The following RNLS variants were observed in gnomAD, a reference collection of about 807,000 sequenced individuals.
RNLS encodes renalase, FAD dependent amine oxidase.
A neutral mutation model predicts 39.8 loss-of-function variants in RNLS; 39 were observed. The ratio of observed to expected loss-of-function variants is 0.98; its 90% CI spans 0.76 to 1.28. The LOEUF (loss-of-function observed/expected upper bound fraction) is 1.28. RNLS is among the 50% of genes most tolerant of loss of function. The probability of loss-of-function intolerance (pLI) is 0.00; values close to 1 mark genes in which losing one functional copy is unlikely to be tolerated. For missense variants in RNLS, 410 were observed against 413.3 expected (o/e 0.99, Z 0.07); for synonymous variants, 147 against 150.7 (o/e 0.98, Z 0.18).
intron 4 of RNLS, among the ~76,000 whole-genome samples, chr10:88,513,781 G>A (rs939874091): frequency 2.0e-5 from 3 of 151,998 alleles, no homozygotes; most frequent in Admixed American, 6.6e-5. Context: ...ATTTTGCACC[G>A]TCGAGATTGT....
chr10:88,569,889 G>C lies in RNLS; in HGVS notation c.526+3014C>G, dbSNP rs534520032. On this transcript the variant is annotated intron_variant, in intron 4 of 6. Coordinates refer to ENST00000331772, the MANE Select transcript of RNLS (RefSeq NM_001031709.3). ...TTATATCATAGTATTCTAGCACCTT[G>C]ACAAAAAAAGAATAAACAAACAAGT... Among the ~76,000 whole-genome samples, 175 of 151,988 alleles carry C rather than the reference G, an allele frequency of 1.2e-3. 1 individual carries two copies. Among genetic ancestry groups the C allele is most frequent in the Admixed American group, 2.6e-3 (39 of 15,272 alleles).
At chr10:88,541,179 A>C (rs1370802257) in intron 4 of RNLS, among the ~76,000 whole-genome samples, 1 of 152,194 alleles carries the variant, frequency 6.6e-6, no homozygotes, top group Non-Finnish European at 1.5e-5. Flanking sequence ...AATGGAACAT[A>C]AATCAATATA....
rs532131271 is a variant in RNLS at position 88,312,338 on chromosome 10, A to G, written c.876+2128T>C. 1.8e-4 allele frequency among the ~76,000 whole-genome samples: 27 copies of G among 152,292 alleles called. 1 individual carries two copies. The South Asian group carries it at 5.6e-3, about 32-fold the overall frequency. Reference sequence around the variant, plus strand: ...GAGGAATGTGGGCAGCTTCTAGAAGATGACAAAGGCAAGAAAATGGATTCT... The same window carrying G: ...GAGGAATGTGGGCAGCTTCTAGAAGGTGACAAAGGCAAGAAAATGGATTCT... On this transcript the variant is annotated intron_variant, in intron 6 of 6. Transcript: ENST00000331772.
the RNLS span, among the ~76,000 whole-genome samples, chr10:88,242,700 C>A: frequency 6.6e-6 from 1 of 152,148 alleles, no homozygotes; most frequent in African/African-American, 2.4e-5. Context: ...CCTGTAATCT[C>A]AGCACTTTGG....
intron 5 of RNLS, among the ~76,000 whole-genome samples, chr10:88,350,156 G>C (rs1400758173): frequency 6.7e-6 from 1 of 149,582 alleles, no homozygotes; most frequent in African/African-American, 2.5e-5. Flanking sequence ...TACTTAAAAA[G>C]TTTTGCCTGT....
At chr10:88,183,699 T>G in the RNLS span, among the ~76,000 whole-genome samples, 61 of 152,276 alleles carry the variant, frequency 4.0e-4, no homozygotes, top group African/African-American at 1.4e-3. Flanking sequence ...AATGCATTAG[T>G]GCTATAGGGA....
At chr10:88,395,084 C>A (rs1852470556) in intron 4 of RNLS, among the ~76,000 whole-genome samples, 1 of 151,640 alleles carries the variant, frequency 6.6e-6, no homozygotes, top group Admixed American at 6.6e-5. Flanking sequence ...AGGAGATATA[C>A]CTAATGCTAA....
At chr10:88,563,677 T>C (rs1200645768) in intron 4 of RNLS, among the ~76,000 whole-genome samples, 1 of 152,114 alleles carries the variant, frequency 6.6e-6, no homozygotes, top group South Asian at 2.1e-4. Context: ...CAGAGCATTA[T>C]GTGAGGAAAG....
At chr10:88,475,667 C>T (rs1486148464) in intron 4 of RNLS, among the ~76,000 whole-genome samples, 2 of 152,160 alleles carry the variant, frequency 1.3e-5, no homozygotes, top group African/African-American at 4.8e-5. Context: ...CCTCTACACT[C>T]TCTGTGAGGA....
chr10:88,273,500 AT>A (rs1842707815), downstream of RNLS, among the ~76,000 whole-genome samples: 1 of 152,140 alleles, frequency 6.6e-6, no homozygotes. Context: ...AGATAGAAAA[AT>A]TTGCTTTAAA....
Position 88,582,262 on chromosome 10 carries a change from G to T in RNLS, c.164C>A (p.Thr55Lys). 1 of 1,614,072 alleles carries T rather than the reference G, an allele frequency of 6.2e-7. No individual in the cohort carries two copies. Among genetic ancestry groups the T allele is most frequent in the African/African-American group, 1.3e-5 (1 of 75,050 alleles). The stretch of plus-strand genomic sequence containing the variant: ...GATGTACTGAGCACCCAAGTCAGCT[G>T]TGCACTGAGGATTATGAGGACTGCA... ...TACSPHNPQC[T>K]ADLGAQYITC... The change falls in exon 2 of 7, where the codon ACA becomes AAA. Residue 55 changes from threonine to lysine, a missense_variant. Transcript: ENST00000331772.
At chr10:88,220,288 G>A in the RNLS span, among the ~76,000 whole-genome samples, 5 of 152,090 alleles carry the variant, frequency 3.3e-5, no homozygotes, top group South Asian at 2.1e-4. Context: ...GAGTCAGCTC[G>A]AAGAAGGAGC....
chr10:88,387,518 A>AAAAAAAGG (rs1554879393), intron 4 of RNLS, among the ~76,000 whole-genome samples: 2 of 151,884 alleles, frequency 1.3e-5, no homozygotes, highest in African/African-American at 4.8e-5. Flanking sequence ...AAAAAAAAAA[A>AAAAAAAGG]AAAAAAGGAA....
intron 6 of RNLS, among the ~76,000 whole-genome samples, chr10:88,298,714 C>T (rs1265804505): frequency 3.3e-5 from 5 of 152,144 alleles, no homozygotes; most frequent in Non-Finnish European, 7.4e-5. Context: ...CAGTACCACA[C>T]TGTCTTGATT....
chr10:88,373,096 T>G (rs1202249340), intron 4 of RNLS, among the ~76,000 whole-genome samples: 1 of 152,160 alleles, frequency 6.6e-6, no homozygotes, highest in African/African-American at 2.4e-5. Context: ...ATGAGCAATA[T>G]AGTCATTCTA....
intron 4 of RNLS, among the ~76,000 whole-genome samples, chr10:88,514,493 T>C (rs1846305240): frequency 6.6e-6 from 1 of 152,098 alleles, no homozygotes; most frequent in Non-Finnish European, 1.5e-5. Flanking sequence ...AGAGGCACAA[T>C]GCTGTACAGC....
intron 5 of RNLS, among the ~76,000 whole-genome samples, chr10:88,361,188 G>T (rs1564730103): frequency 6.6e-6 from 1 of 152,190 alleles, no homozygotes; most frequent in African/African-American, 2.4e-5. Context: ...CACAGGGTTA[G>T]GGCGCTACCT....
chr10:88,329,084 C>CT lies in RNLS; in HGVS notation c.701-14444dup, dbSNP rs776645419. On this transcript the variant is annotated intron_variant, in intron 5 of 6. Coordinates refer to ENST00000331772, the MANE Select transcript of RNLS (RefSeq NM_001031709.3). ...AGGAAGTCAAGTGTTTTTTGTTTTT[C>CT]TTTTTTTTTTTTTGCTCTCTCACCC... 3.0e-3 allele frequency among the ~76,000 whole-genome samples: 431 copies of CT among 142,074 alleles called. 3 individuals carry two copies. The highest frequency in any genetic ancestry group is 8.0e-3 in the African/African-American group (314 of 39,096). 93.2% of individuals were successfully genotyped at this position (142,074 alleles called of 152,430 possible). A position where few individuals can be genotyped will look rare whatever the true frequency, so the allele number is the denominator to read the frequency against.
At chr10:88,328,471 T>A (rs1304255925) in intron 5 of RNLS, among the ~76,000 whole-genome samples, 2 of 152,194 alleles carry the variant, frequency 1.3e-5, no homozygotes, top group Admixed American at 1.3e-4. Flanking sequence ...GGGGTATTTT[T>A]TCTTTGTATT....
Sources: gnomAD v4.1 joint callset for allele counts (sites outside exome capture counted in the v4.1 genomes callset) on GRCh38, gnomAD v4.1.1 for gene constraint, MANE v1.5 for transcripts, NCBI Gene and HGNC (gene_info 2026-07-23, HGNC 2026-07-21) for gene names.